The following TRDMT1 variants were observed in gnomAD, a reference collection of about 807,000 sequenced individuals.
TRDMT1 encodes tRNA (cytosine(38)-C(5))-methyltransferase.
TRDMT1 carries 49 observed loss-of-function variants against 51.2 expected under a neutral mutation model. The ratio of observed to expected loss-of-function variants is 0.96; its 90% CI spans 0.76 to 1.21. The LOEUF is 1.21. TRDMT1 is among the 50% of genes most tolerant of loss of function. TRDMT1 has a pLI of 0.00. For missense variants in TRDMT1, 534 were observed against 462.3 expected (o/e 1.16, Z -1.42); for synonymous variants, 187 against 164.6 (o/e 1.14, Z -1.04).
In TRDMT1 at chr10:17,141,640, C is replaced by A. The variant is rs1400390998; in HGVS notation, c.*7400G>T. 6.6e-6 allele frequency among the ~76,000 whole-genome samples: 1 copy of A among 152,122 alleles called. No individual in the cohort carries two copies. The highest frequency in any genetic ancestry group is 1.5e-5 in the Non-Finnish European group (1 of 68,024). On this transcript the variant is annotated 3_prime_UTR_variant, in exon 11 of 11. Transcript: ENST00000377799. ...AATTTTTTTTGTCAGCCTATCTTTG[C>A]CCTATCATTTAGATCAGGTAAATTC...
chr10:17,183,419 T>A (rs942123236), intron 1 of TRDMT1, among the ~76,000 whole-genome samples: 1 of 152,118 alleles, frequency 6.6e-6, no homozygotes, highest in Non-Finnish European at 1.5e-5. Flanking sequence ...TTTATTTATA[T>A]CTTTAGTTAC....
intron 3 of TRDMT1, 116 bp from the exon 4 acceptor site, chr10:17,162,353 C>A (rs1840507895): frequency 4.1e-6 from 4 of 964,600 alleles, no homozygotes; most frequent in Non-Finnish European, 4.6e-6. Context: ...TAAGTTGGTC[C>A]TCACAAAAAA....
intron 1 of TRDMT1, among the ~76,000 whole-genome samples, chr10:17,177,893 T>C (rs77717604): frequency 0.1 from 15,623 of 152,192 alleles, 1,115 homozygotes; most frequent in Non-Finnish European, 0.16. Context: ...AATAAAAAAA[T>C]TTAACTGTTC....
In TRDMT1 at chr10:17,143,137, T is replaced by G. The variant is rs1281116266; in HGVS notation, c.*5903A>C. The G allele has an allele frequency of 5.1e-6, 5 of 985,320 alleles. No individual in the cohort carries two copies. The highest frequency in any genetic ancestry group is 6.0e-6 in the Non-Finnish European group (5 of 829,942). 61.0% of individuals were successfully genotyped at this position (985,320 alleles called of 1,614,324 possible). ...CAGTAACAGACAAATTAAATAGTTTTCAAGAGAACAACTTAAAGACATTGT... is the reference window on the plus strand; with the variant it reads ...CAGTAACAGACAAATTAAATAGTTTGCAAGAGAACAACTTAAAGACATTGT... On this transcript the variant is annotated 3_prime_UTR_variant, in exon 11 of 11. Transcript: ENST00000377799.
rs533441491 is a variant in TRDMT1 at position 17,141,328 on chromosome 10, A to G, written c.*7712T>C. Among the ~76,000 whole-genome samples, 11 of 152,090 alleles carry G rather than the reference A, an allele frequency of 7.2e-5. No individual in the cohort carries two copies. In the South Asian group the frequency reaches 2.3e-3, roughly 32 times the overall value. ...AGGCATGCACCACCATGCCCGGCTAATTTTTTTGATTTTAGTAGAGACGGG... is the reference window on the plus strand; with the variant it reads ...AGGCATGCACCACCATGCCCGGCTAGTTTTTTTGATTTTAGTAGAGACGGG... On this transcript the variant is annotated 3_prime_UTR_variant, in exon 11 of 11. Transcript: ENST00000377799.
chr10:17,165,616 C>T (rs1369304570), intron 3 of TRDMT1, among the ~76,000 whole-genome samples: 1 of 152,064 alleles, frequency 6.6e-6, no homozygotes, highest in African/African-American at 2.4e-5. Context: ...TTGCAATCTA[C>T]TCATCTGACA....
At chr10:17,154,911 T>C (rs1480318155) in intron 8 of TRDMT1, among the ~76,000 whole-genome samples, 177 bp from the exon 9 acceptor site, 1 of 152,158 alleles carries the variant, frequency 6.6e-6, no homozygotes, top group African/African-American at 2.4e-5. Context: ...AGACATAATA[T>C]AGTTTCATTT....
intron 5 of TRDMT1, among the ~76,000 whole-genome samples, chr10:17,160,760 C>T (rs761373553): frequency 3.3e-5 from 5 of 152,172 alleles, no homozygotes; most frequent in Non-Finnish European, 5.9e-5. Flanking sequence ...CGTGAGCCAC[C>T]GCGCCCGGCC....
intron 1 of TRDMT1, among the ~76,000 whole-genome samples, chr10:17,197,120 A>AT (rs35271545): frequency 1.1e-4 from 17 of 150,438 alleles, no homozygotes; most frequent in South Asian, 6.3e-4. Flanking sequence ...AATGTTTTTA[A>AT]TTTTTTTTTT....
intron 1 of TRDMT1, among the ~76,000 whole-genome samples, chr10:17,199,589 T>TG (rs1845891297): frequency 6.6e-6 from 1 of 151,512 alleles, no homozygotes; most frequent in African/African-American, 2.4e-5. Flanking sequence ...GAAGGGAGAG[T>TG]GGCAGATAAA....
intron 8 of TRDMT1, among the ~76,000 whole-genome samples, chr10:17,156,867 G>C (rs1191109090): frequency 6.6e-6 from 1 of 152,120 alleles, no homozygotes; most frequent in Non-Finnish European, 1.5e-5. Flanking sequence ...ACAGTAAACT[G>C]ATATCATTGG....
chr10:17,192,900 T>G (rs969090523), intron 1 of TRDMT1, among the ~76,000 whole-genome samples: 1 of 152,164 alleles, frequency 6.6e-6, no homozygotes, highest in Non-Finnish European at 1.5e-5. Context: ...CAAAGGAACA[T>G]ACCTCAAAAT....
At chr10:17,157,102 C>T (rs918906371) in intron 8 of TRDMT1, among the ~76,000 whole-genome samples, 3 of 152,150 alleles carry the variant, frequency 2.0e-5, no homozygotes, top group Non-Finnish European at 4.4e-5. Context: ...AGAGTGAACA[C>T]TTGAGGTATG....
chr10:17,195,134 G>A (rs1845233940), intron 1 of TRDMT1, among the ~76,000 whole-genome samples: 1 of 152,162 alleles, frequency 6.6e-6, no homozygotes, highest in African/African-American at 2.4e-5. Flanking sequence ...GCAAAAGAAA[G>A]CAAAATCATT....
intron 1 of TRDMT1, among the ~76,000 whole-genome samples, chr10:17,180,663 A>G (rs1429440739): frequency 1.3e-5 from 2 of 152,160 alleles, no homozygotes; most frequent in Non-Finnish European, 2.9e-5. Context: ...ACTGTCTATT[A>G]GGAGAGAAAC....
In TRDMT1 at chr10:17,140,404, G is replaced by C. The variant is rs1837580103; in HGVS notation, c.*8636C>G. On this transcript the variant is annotated 3_prime_UTR_variant, in exon 11 of 11. Transcript: ENST00000377799. ...TTATTCAAACAATCCCCCAAGCCAT[G>C]AAAGAACCTACAATTCTATTACCAT... Among the ~76,000 whole-genome samples, 1 of 152,006 alleles carries C rather than the reference G, an allele frequency of 6.6e-6. No homozygotes were observed.
In TRDMT1 at chr10:17,143,867, T is replaced by C. The variant is rs1312775880; in HGVS notation, c.*5173A>G. 4 of 985,048 alleles carry C rather than the reference T, an allele frequency of 4.1e-6. No individual in the cohort carries two copies. The highest frequency in any genetic ancestry group is 1.2e-6 in the Non-Finnish European group (1 of 829,884). 61.0% of individuals were successfully genotyped at this position (985,048 alleles called of 1,614,324 possible). On this transcript the variant is annotated 3_prime_UTR_variant, in exon 11 of 11. Coordinates refer to ENST00000377799, the MANE Select transcript of TRDMT1 (RefSeq NM_004412.7). ...GTACCATAAATATTAAAGTCAAGAG[T>C]GGAACTGACTATAGAATGGAGTGTG...
rs564114473 is a variant in TRDMT1, at chr10:17,145,826, G to A, written c.*3214C>T. ...CTGCAGAATGCATCCTTTAGTAGGT[G>A]CTTGATATTAGATGAAATGTGGTTG... On this transcript the variant is annotated 3_prime_UTR_variant, in exon 11 of 11. Transcript: ENST00000377799. The A allele has an allele frequency of 1.0e-6, 1 of 985,462 alleles. No homozygotes were observed. Among genetic ancestry groups the A allele is most frequent in the Non-Finnish European group, 1.2e-6 (1 of 829,938 alleles). The allele number at this position is 985,462 out of a possible 1,614,324, so 61.0% of individuals were successfully genotyped here.
In TRDMT1 at chr10:17,147,350, G is replaced by A. The variant is rs2131362029; in HGVS notation, c.*1690C>T. The A allele has an allele frequency of 1.0e-6, 1 of 985,166 alleles. No homozygotes were observed. Among genetic ancestry groups the A allele is most frequent in the Non-Finnish European group, 1.2e-6 (1 of 829,698 alleles). 61.0% of individuals were successfully genotyped at this position (985,166 alleles called of 1,614,324 possible). A position where few individuals can be genotyped will look rare whatever the true frequency, so the allele number is the denominator to read the frequency against. On this transcript the variant is annotated 3_prime_UTR_variant, in exon 11 of 11. Coordinates refer to ENST00000377799, the MANE Select transcript of TRDMT1 (RefSeq NM_004412.7). Reference sequence around the variant, plus strand: ...TCCCTACATTCATATTTATCTATGAGTTCTGAAAAATTGGTAATAGAGTAT... The same window carrying A: ...TCCCTACATTCATATTTATCTATGAATTCTGAAAAATTGGTAATAGAGTAT...
Sources: gnomAD v4.1 joint callset for allele counts (sites outside exome capture counted in the v4.1 genomes callset) on GRCh38, gnomAD v4.1.1 for gene constraint, MANE v1.5 for transcripts, NCBI Gene and HGNC (gene_info 2026-07-23, HGNC 2026-07-21) for gene names.